The following FAM193B variants were observed in gnomAD, a reference collection of about 807,000 sequenced individuals.
FAM193B encodes the protein protein FAM193B.
In FAM193B, 27 loss-of-function variants were observed where a neutral mutation model predicts 70.7. That is an observed-to-expected ratio of 0.38 (90% CI 0.28 to 0.53). FAM193B has a LOEUF of 0.53. Ranked by LOEUF, FAM193B falls within the 20% of genes least tolerant of loss-of-function variation. The pLI, the probability that FAM193B is intolerant of heterozygous loss-of-function variation, is 0.81. For synonymous variants in FAM193B, 448 were observed against 436.0 expected (o/e 1.03, Z -0.34); for missense variants, 1,022 against 1,072.5 (o/e 0.95, Z 0.66).
At chr5:177,521,302 C>A (rs1200048876) in intron 8 of FAM193B, among the ~76,000 whole-genome samples, 1 of 152,238 alleles carries the variant, frequency 6.6e-6, no homozygotes, top group African/African-American at 2.4e-5. Context: ...TGTTCCCAGT[C>A]CAGATCATCA....
chr5:177,553,428 T>G (rs1293689595), intron 1 of FAM193B: 1 of 1,051,882 alleles, frequency 9.5e-7, no homozygotes, highest in African/African-American at 1.7e-5. Context: ...CAGCCCCGAG[T>G]GCCACAACCC....
At chr5:177,552,397 G>GT (rs1243755297) in intron 1 of FAM193B, among the ~76,000 whole-genome samples, 1 of 152,234 alleles carries the variant, frequency 6.6e-6, no homozygotes, top group Non-Finnish European at 1.5e-5. Flanking sequence ...AGTGGAGTAG[G>GT]TAAGAACATG....
At chr5:177,528,911 G>C (rs746326376) in intron 5 of FAM193B, among the ~76,000 whole-genome samples, 4 of 152,274 alleles carry the variant, frequency 2.6e-5, no homozygotes, top group South Asian at 2.1e-4. Context: ...GGCTGGGGTG[G>C]AACCCAGGGC....
At chr5:177,549,082 C>CAACCCTG (rs1464475558) in intron 1 of FAM193B, among the ~76,000 whole-genome samples, 3 of 152,032 alleles carry the variant, frequency 2.0e-5, no homozygotes, top group African/African-American at 7.3e-5. Flanking sequence ...ATGTCTTGGG[C>CAACCCTG]AACCCTGACA....
At chr5:177,553,945 CG>C in intron 1 of FAM193B, 1 of 1,241,144 alleles carries the variant, frequency 8.1e-7, no homozygotes, top group Non-Finnish European at 1.0e-6. Flanking sequence ...GCTGCGGCCT[CG>C]GGATCACAGC....
At chr5:177,521,878 C>T in intron 8 of FAM193B, 96 bp downstream of exon 8, 1 of 936,890 alleles carries the variant, frequency 1.1e-6, no homozygotes, top group Non-Finnish European at 1.7e-6. Flanking sequence ...AGTCCAACTC[C>T]CTGTGCCCCA....
At position 177,525,007 on chromosome 5, in the gene FAM193B, C is replaced by T; in HGVS notation, c.1474G>A (p.Val492Met). ...TTGCTGTCCATGCTGAGCTCACACA[C>T]ACTGAAGCTGGCACGGATGGAGTCT... ...VKDSIRASFS[V>M]CELSMDSNGF... is the part of the protein sequence containing the mutation. Residue 492 changes from valine (V) to methionine (M), a missense_variant, in exon 6 of 9, where the codon GTG (valine) becomes ATG (methionine). Transcript: ENST00000514747. 1 of 1,541,328 alleles carries T rather than the reference C, an allele frequency of 6.5e-7. No individual in the cohort carries two copies. Among genetic ancestry groups the T allele is most frequent in the Non-Finnish European group, 8.7e-7 (1 of 1,146,494 alleles).
At chr5:177,551,269 ATTTTTT>A (rs33979381) in intron 1 of FAM193B, among the ~76,000 whole-genome samples, 2 of 151,168 alleles carry the variant, frequency 1.3e-5, no homozygotes, top group African/African-American at 2.4e-5. Context: ...GTTGTTCTTT[ATTTTTT>A]TTTTTGTTTG....
chr5:177,535,445 C>A (rs1294066335), intron 4 of FAM193B, among the ~76,000 whole-genome samples: 1 of 152,262 alleles, frequency 6.6e-6, no homozygotes, highest in African/African-American at 2.4e-5. Context: ...AAATATACCT[C>A]TATCTTCTCC....
At position 177,525,086 on chromosome 5, in the gene FAM193B, A is replaced by G. The variant is rs1762383470; in HGVS notation, c.1395T>C (p.Asp465=). The part of the protein sequence containing the change: ...RLLEWPDREL[D]RVNSFLSSRL... ...GGCTGCTCAGGAAGCTGTTGACCCG[A>G]TCCAGTTCCCGGTCGGGCCACTCCA... Residue 465 remains aspartate (D), a synonymous_variant, in exon 6 of 9, where the codon GAT becomes GAC. Transcript: ENST00000514747. 1 of 1,593,868 alleles carries G rather than the reference A, an allele frequency of 6.3e-7. No individual in the cohort carries two copies. Among genetic ancestry groups the G allele is most frequent in the Non-Finnish European group, 8.5e-7 (1 of 1,171,088 alleles).
chr5:177,532,204 AGG>A lies in FAM193B; in HGVS notation c.1275+237_1275+238del. 3 of 1,499,730 alleles carry A rather than the reference AGG, an allele frequency of 2.0e-6. No homozygotes were observed. Among genetic ancestry groups the A allele is most frequent in the Admixed American group, 2.1e-5 (1 of 46,612 alleles). 92.9% of individuals were successfully genotyped at this position (1,499,730 alleles called of 1,614,324 possible). The stretch of plus-strand genomic sequence containing the variant: ...CTGCCATTTCCTTTCCTTTTGCCTA[AGG>A]AAAAAAAGTCAATCTTAAGAGAAAC... On this transcript the variant is annotated intron_variant, in intron 5 of 8. Coordinates refer to ENST00000514747, the MANE Select transcript of FAM193B (RefSeq NM_001190946.3). This position sits in a 1 kb window ranked among gnomAD's most constrained non-coding sequence, Gnocchi z 4.9.
intron 4 of FAM193B, 76 bp downstream of exon 4, chr5:177,536,282 T>G: frequency 6.7e-7 from 1 of 1,489,328 alleles, no homozygotes; most frequent in South Asian, 1.2e-5. Flanking sequence ...AATTGCCACC[T>G]CAAAGTTAAC....
intron 1 of FAM193B, among the ~76,000 whole-genome samples, chr5:177,540,306 CAAAAAAAAAAAAAAAA>C: frequency 9.8e-6 from 1 of 102,456 alleles, no homozygotes; most frequent in South Asian, 3.2e-4. Flanking sequence ...GACTCCGTCT[CAAAAAAAAAAAAAAAA>C]AAAGAAAAAC....
rs1433789760 is a variant in FAM193B, at chr5:177,532,480, C to A, written c.1238G>T (p.Cys413Phe). The part of the protein sequence containing the change: ...SSTHQRDGKF[C>F]DCCYCEFFGH... ...GAAGAACTCACAGTAGCAGCAGTCA[C>A]AGAACTTCCCATCTCTCTGGTGGGT... The change falls in exon 5 of 9, where the codon TGT becomes TTT. Residue 413 changes from cysteine (C) to phenylalanine (F), a missense_variant. By Grantham distance (205) the Cys-to-Phe change is radical. Coordinates refer to ENST00000514747, the MANE Select transcript of FAM193B (RefSeq NM_001190946.3). The surrounding 1 kb of genome is among the most constrained non-coding windows in gnomAD (Gnocchi z 4.9). 6.2e-7 allele frequency: 1 copy of A among 1,612,004 alleles called. No individual in the cohort carries two copies. Among genetic ancestry groups the A allele is most frequent in the African/African-American group, 1.3e-5 (1 of 74,916 alleles).
chr5:177,525,924 C>T (rs1231746303), intron 5 of FAM193B, among the ~76,000 whole-genome samples: 1 of 152,212 alleles, frequency 6.6e-6, no homozygotes, highest in African/African-American at 2.4e-5. Flanking sequence ...ATCTCAGTCA[C>T]CCCAACCTCT....
In FAM193B at chr5:177,524,260, G is replaced by A; in HGVS notation, c.2221C>T (p.Pro741Ser). Residue 741 changes from proline to serine, a missense_variant, in exon 6 of 9, where the codon CCA becomes TCA. Physicochemically the swap from Pro to Ser is moderately conservative, Grantham distance 74 (BLOSUM62 -1). Transcript: ENST00000514747. Reference sequence around the variant, plus strand: ...CCCTTGCCCTGGGGCAAGCTCTGTGGCCTTGCTGGGCCTGAGGGCTGCACA... The same window carrying A: ...CCCTTGCCCTGGGGCAAGCTCTGTGACCTTGCTGGGCCTGAGGGCTGCACA... ...ESVQPSGPAR[P>S]QSLPQGKGRS... 1 of 1,565,706 alleles carries A rather than the reference G, an allele frequency of 6.4e-7. No individual in the cohort carries two copies.
chr5:177,524,058 C>T (rs1465910341), intron 6 of FAM193B, 26 bp from the exon 7 acceptor site: 11 of 1,613,840 alleles, frequency 6.8e-6, no homozygotes, highest in Non-Finnish European at 8.5e-6. Flanking sequence ...CAGGAGGGCT[C>T]AGTGCCCATG....
At chr5:177,553,080 G>C in intron 1 of FAM193B, 1 of 649,712 alleles carries the variant, frequency 1.5e-6, no homozygotes, top group Non-Finnish European at 1.9e-6. Context: ...GGCACAGAGG[G>C]CTGTGGGCAC....
chr5:177,548,873 G>A lies in FAM193B; in HGVS notation c.210+5376C>T, dbSNP rs1328143602. Among the ~76,000 whole-genome samples, 3 of 152,184 alleles carry A rather than the reference G, an allele frequency of 2.0e-5. No homozygotes were observed. In the South Asian group the frequency reaches 6.2e-4, roughly 32 times the overall value. On this transcript the variant is annotated intron_variant, in intron 1 of 8. Coordinates refer to ENST00000514747, the MANE Select transcript of FAM193B (RefSeq NM_001190946.3). ...CAGGATAAAGCCTAAACCTCTTGGTGTGGTTTTCAAGAACCCTGCTAGCCC... is the reference window on the plus strand; with the variant it reads ...CAGGATAAAGCCTAAACCTCTTGGTATGGTTTTCAAGAACCCTGCTAGCCC...
Sources: allele counts gnomAD v4.1 joint callset (sites outside exome capture counted in the v4.1 genomes callset), GRCh38; gene constraint gnomAD v4.1.1; non-coding constraint Gnocchi (gnomAD v3.1); transcripts MANE v1.5; gene names NCBI Gene and HGNC (gene_info 2026-07-23, HGNC 2026-07-21).